The following ANKRD33B variants were observed in gnomAD, a reference collection of about 807,000 sequenced individuals.
ANKRD33B encodes ankyrin repeat domain-containing protein 33B.
ANKRD33B carries 6 observed loss-of-function variants against 21.5 expected under a neutral mutation model. That is an observed-to-expected ratio of 0.28 (90% CI 0.15 to 0.55). The LOEUF is 0.55. Ranked by LOEUF, ANKRD33B falls within the 20% of genes least tolerant of loss-of-function variation. ANKRD33B has a pLI of 0.94. For missense variants in ANKRD33B, 698 were observed against 747.2 expected (o/e 0.93, Z 0.77); for synonymous variants, 347 against 342.4 (o/e 1.01, Z -0.15).
intron 1 of ANKRD33B, among the ~76,000 whole-genome samples, chr5:10,571,327 G>C (rs1321909604): frequency 6.6e-6 from 1 of 152,052 alleles, no homozygotes; most frequent in East Asian, 1.9e-4. Context: ...TCAGCCTCCT[G>C]AGTAGCTGGG....
At chr5:10,579,606 T>C (rs1241906018) in intron 1 of ANKRD33B, among the ~76,000 whole-genome samples, 4 of 152,168 alleles carry the variant, frequency 2.6e-5, no homozygotes, top group Admixed American at 2.6e-4. Context: ...AGATGATCTC[T>C]AGCTCTAAAA....
intron 1 of ANKRD33B, among the ~76,000 whole-genome samples, chr5:10,602,007 T>G (rs762668899): frequency 6.6e-6 from 1 of 152,216 alleles, no homozygotes; most frequent in Non-Finnish European, 1.5e-5. Context: ...TAGGTAAGAA[T>G]TTATTTGGAT....
At chr5:10,620,623 G>A (rs11133614) in intron 2 of ANKRD33B, among the ~76,000 whole-genome samples, 32,730 of 152,190 alleles carry the variant, frequency 0.22, 3,785 homozygotes, top group Non-Finnish European at 0.25. Context: ...GTGCTTTCCA[G>A]AGTCTTGCCT....
At chr5:10,591,914 G>A (rs1735703572) in intron 1 of ANKRD33B, among the ~76,000 whole-genome samples, 1 of 151,788 alleles carries the variant, frequency 6.6e-6, no homozygotes, top group Non-Finnish European at 1.5e-5. Context: ...TATTTATATA[G>A]TAACTTACAT....
chr5:10,593,479 A>G (rs957939930), intron 1 of ANKRD33B, among the ~76,000 whole-genome samples: 1 of 151,974 alleles, frequency 6.6e-6, no homozygotes, highest in African/African-American at 2.4e-5. Flanking sequence ...GTTGTATGAC[A>G]TTTACTTTTT....
Position 10,619,146 on chromosome 5 carries a change from C to G in ANKRD33B, c.496+684C>G, listed in dbSNP as rs1412923679. 2.0e-5 allele frequency among the ~76,000 whole-genome samples: 3 copies of G among 152,194 alleles called. No homozygotes were observed. The highest frequency in any genetic ancestry group is 7.2e-5 in the African/African-American group (3 of 41,440). The stretch of plus-strand genomic sequence containing the variant: ...CTTCATAATCACACTTCATTTGGAA[C>G]AGTGGTCTTGACCAGGTTTATCACT... On this transcript the variant is annotated intron_variant, in intron 2 of 3. Transcript: ENST00000296657. This position sits in a 1 kb window ranked among gnomAD's most constrained non-coding sequence, Gnocchi z 4.5.
chr5:10,595,089 G>C (rs1003147134), intron 1 of ANKRD33B, among the ~76,000 whole-genome samples: 1 of 152,150 alleles, frequency 6.6e-6, no homozygotes, highest in Non-Finnish European at 1.5e-5. Flanking sequence ...TATCTCTAGC[G>C]AGTGTGCCCT....
In ANKRD33B at chr5:10,626,397, T is replaced by C. The variant is rs527342801; in HGVS notation, c.496+7935T>C. On this transcript the variant is annotated intron_variant, in intron 2 of 3. Transcript: ENST00000296657. ...TTCCCCTGAGTGTCCAAGAGTGTTC[T>C]TGCAAGCCCTGGCTGAGATCAGTCT... is the stretch of plus-strand genomic sequence containing the variant. 2.6e-4 allele frequency among the ~76,000 whole-genome samples: 39 copies of C among 152,370 alleles called. 1 individual carries two copies. The South Asian group carries it at 7.9e-3, about 31-fold the overall frequency.
intron 1 of ANKRD33B, among the ~76,000 whole-genome samples, chr5:10,571,724 G>C (rs776073092): frequency 6.6e-6 from 1 of 152,180 alleles, no homozygotes; most frequent in Admixed American, 6.5e-5. Context: ...TGTGAGTCCA[G>C]ATTTCTGAGG....
chr5:10,610,476 G>A (rs561276242), intron 1 of ANKRD33B, among the ~76,000 whole-genome samples: 2 of 152,050 alleles, frequency 1.3e-5, no homozygotes, highest in South Asian at 2.1e-4. Context: ...CACAGGCGAG[G>A]ATCGCAATTA....
At chr5:10,574,033 G>A (rs1034434430) in intron 1 of ANKRD33B, among the ~76,000 whole-genome samples, 2 of 152,202 alleles carry the variant, frequency 1.3e-5, no homozygotes, top group African/African-American at 4.8e-5. Context: ...CTTCACGTCT[G>A]TGTGGCTGCC....
intron 1 of ANKRD33B, among the ~76,000 whole-genome samples, chr5:10,604,717 AC>A (rs1736005872): frequency 6.6e-6 from 1 of 152,058 alleles, no homozygotes; most frequent in East Asian, 1.9e-4. Context: ...TCTTATATAA[AC>A]ATATATTCAA....
chr5:10,637,842 C>T (rs924672026), intron 2 of ANKRD33B, among the ~76,000 whole-genome samples, 186 bp from the exon 3 acceptor site: 1 of 152,122 alleles, frequency 6.6e-6, no homozygotes, highest in African/African-American at 2.4e-5. Flanking sequence ...AGGGCGGTGC[C>T]TTCTCCTTTC....
chr5:10,564,539 A>G lies in ANKRD33B; in HGVS notation c.72A>G (p.Pro24=). Reference sequence around the variant, plus strand: ...GCATGACCCCACCACCGCCGTCCCCACCCCGGGGCGCGCAGGTCGAGGAGG... The same window carrying G: ...GCATGACCCCACCACCGCCGTCCCCGCCCCGGGGCGCGCAGGTCGAGGAGG... ...ARCMTPPPPS[P]PRGAQVEEDP... Residue 24 remains proline (P), a synonymous_variant, in exon 1 of 4, where the codon CCA becomes CCG. Transcript: ENST00000296657. 2 of 1,531,612 alleles carry G rather than the reference A, an allele frequency of 1.3e-6. No individual in the cohort carries two copies. Among genetic ancestry groups the G allele is most frequent in the South Asian group, 1.2e-5 (1 of 83,892 alleles). 94.9% of individuals were successfully genotyped at this position (1,531,612 alleles called of 1,614,324 possible).
chr5:10,565,807 A>T (rs1414351194), intron 1 of ANKRD33B, among the ~76,000 whole-genome samples: 1 of 152,158 alleles, frequency 6.6e-6, no homozygotes, highest in Admixed American at 6.5e-5. Flanking sequence ...TTCTCACCTG[A>T]TTTTTGTATT....
chr5:10,594,221 CTTTTTTT>C (rs10658307), intron 1 of ANKRD33B, among the ~76,000 whole-genome samples: 7 of 83,160 alleles, frequency 8.4e-5, no homozygotes, highest in African/African-American at 2.9e-4. Flanking sequence ...ACACATCCTT[CTTTTTTT>C]TTTTTTTTTT....
At chr5:10,581,306 T>G (rs1735438030) in intron 1 of ANKRD33B, among the ~76,000 whole-genome samples, 1 of 152,108 alleles carries the variant, frequency 6.6e-6, no homozygotes, top group Non-Finnish European at 1.5e-5. Context: ...CAGGGCAGAG[T>G]CTCAGATTCC....
At chr5:10,593,819 A>C (rs1579722479) in intron 1 of ANKRD33B, among the ~76,000 whole-genome samples, 3 of 136,668 alleles carry the variant, frequency 2.2e-5, no homozygotes, top group African/African-American at 2.8e-5. Flanking sequence ...ACTTACCCTC[A>C]CCCCCTCATG....
intron 2 of ANKRD33B, among the ~76,000 whole-genome samples, chr5:10,631,554 C>G (rs992467905): frequency 3.9e-5 from 6 of 152,232 alleles, no homozygotes; most frequent in African/African-American, 7.2e-5. Context: ...AGCAGCGCCT[C>G]TGGCCAGAAG....
Sources: gnomAD v4.1 joint callset for allele counts (sites outside exome capture counted in the v4.1 genomes callset) on GRCh38, gnomAD v4.1.1 for gene constraint, Gnocchi (gnomAD v3.1) non-coding constraint, MANE v1.5 for transcripts, NCBI Gene and HGNC (gene_info 2026-07-23, HGNC 2026-07-21) for gene names.